Variants in PPP1R21 observed in about 807,000 individuals in gnomAD.
The protein encoded by PPP1R21 is KLRAQ motif containing 1.
A neutral mutation model predicts 112.8 loss-of-function variants in PPP1R21; 85 were observed. That is an observed-to-expected ratio of 0.75 (90% CI 0.63 to 0.90). The LOEUF (loss-of-function observed/expected upper bound fraction) is 0.90, where lower values mean the gene tolerates loss of function less well. Ranked by LOEUF, PPP1R21 falls within the 40% of genes least tolerant of loss-of-function variation. The pLI is 0.00. For missense variants in PPP1R21, 1,199 were observed against 901.5 expected, an observed-to-expected ratio of 1.33 and a Z score of -4.23; for synonymous variants, 381 against 322.3, an observed-to-expected ratio of 1.18 and a Z score of -1.95.
At chr2:48,451,142 A>G in intron 2 of PPP1R21, 66 bp downstream of exon 2, 3 of 1,339,782 alleles carry the variant, frequency 2.2e-6, no homozygotes, top group East Asian at 2.3e-5. Context: ...AAGCAGGTTC[A>G]TTGGGTTTTC....
At chr2:48,492,627 T>G (rs1669622810) in intron 15 of PPP1R21, among the ~76,000 whole-genome samples, 1 of 152,230 alleles carries the variant, frequency 6.6e-6, no homozygotes, top group African/African-American at 2.4e-5. Flanking sequence ...ATATGAGAAG[T>G]AGAATGTTGT....
At position 48,495,663 on chromosome 2, in the gene PPP1R21, G is replaced by C. The variant is rs1669802859; in HGVS notation, c.1600-16G>C. 6.7e-7 allele frequency: 1 copy of C among 1,488,628 alleles called. No individual in the cohort carries two copies. Among genetic ancestry groups the C allele is most frequent in the South Asian group, 1.1e-5 (1 of 88,034 alleles). The allele number at this position is 1,488,628 out of a possible 1,614,324, so 92.2% of individuals were successfully genotyped here. On this transcript the variant is annotated splice_polypyrimidine_tract_variant and intron_variant, in intron 15 of 21. Transcript: ENST00000294952. The stretch of plus-strand genomic sequence containing the variant: ...ACAATATTTTTTCTTTAATTCTTAT[G>C]ATGCTTTTATCATAGCCCCTCTTGG...
chr2:48,505,981 G>C (rs1670355787), intron 18 of PPP1R21, among the ~76,000 whole-genome samples: 1 of 152,208 alleles, frequency 6.6e-6, no homozygotes, highest in African/African-American at 2.4e-5. Flanking sequence ...CCTTGACCAA[G>C]TACAGTGTAC....
chr2:48,460,150 A>C lies in PPP1R21; in HGVS notation c.596A>C (p.Glu199Ala), dbSNP rs758931715. ...EAKECRLRTEECQLQLKTLHE... is the reference protein window; with the variant it reads ...EAKECRLRTEACQLQLKTLHE... ...AAGGAATGTCGACTTCGAACGGAAG[A>C]ATGGTATGTGGAAACTTGAATTCCA... Residue 199 changes from glutamate (E) to alanine (A), a missense_variant, in exon 6 of 22, where the codon GAA becomes GCA. Transcript: ENST00000294952. The C allele has an allele frequency of 1.2e-6, 2 of 1,614,110 alleles. No individual in the cohort carries two copies. The highest frequency in any genetic ancestry group is 3.3e-5 in the Admixed American group (2 of 60,016).
At chr2:48,462,034 T>C (rs1457027780) in intron 7 of PPP1R21, among the ~76,000 whole-genome samples, 1 of 152,252 alleles carries the variant, frequency 6.6e-6, no homozygotes, top group Non-Finnish European at 1.5e-5. Context: ...CACCTGCTTC[T>C]AGCTTCTACA....
chr2:48,507,493 A>G lies in PPP1R21; in HGVS notation c.2085+108A>G. 5 of 1,496,932 alleles carry G rather than the reference A, an allele frequency of 3.3e-6. No individual in the cohort carries two copies. In the South Asian group the frequency reaches 6.8e-5, roughly 20 times the overall value. 92.7% of individuals were successfully genotyped at this position (1,496,932 alleles called of 1,614,324 possible). ...ACTGTAAGAGAGAAGTCAGTGTCCC[A>G]AGTAGCTGGGACTATGGGTGTGTAC... On this transcript the variant is annotated intron_variant, in intron 19 of 21. Coordinates refer to ENST00000294952, the MANE Select transcript of PPP1R21 (RefSeq NM_001135629.3).
At chr2:48,496,265 C>A (rs985695504) in intron 16 of PPP1R21, among the ~76,000 whole-genome samples, 2 of 152,104 alleles carry the variant, frequency 1.3e-5, no homozygotes, top group African/African-American at 4.8e-5. Context: ...TGGTAACTCC[C>A]ATAGTCCTTG....
intron 2 of PPP1R21, among the ~76,000 whole-genome samples, chr2:48,451,768 C>T (rs939099169): frequency 2.0e-5 from 3 of 152,126 alleles, no homozygotes; most frequent in African/African-American, 7.2e-5. Context: ...TTTGCTCTTT[C>T]CCTTTCTTGC....
intron 9 of PPP1R21, 132 bp downstream of exon 9, chr2:48,465,774 ACT>A (rs974383773): frequency 1.5e-6 from 1 of 676,054 alleles, no homozygotes; most frequent in African/African-American, 1.9e-5. Flanking sequence ...CATAGTTTTT[ACT>A]CTCAAAATAA....
chr2:48,503,504 A>G (rs546973772), intron 17 of PPP1R21, among the ~76,000 whole-genome samples: 11 of 152,316 alleles, frequency 7.2e-5, no homozygotes, highest in Non-Finnish European at 1.5e-4. Flanking sequence ...CTCAGGATGT[A>G]TTCTCAGAGT....
intron 13 of PPP1R21, among the ~76,000 whole-genome samples, chr2:48,484,932 C>A (rs946413959): frequency 2.6e-5 from 4 of 152,134 alleles, no homozygotes; most frequent in African/African-American, 9.7e-5. Context: ...GCTTACCAAC[C>A]AAATTGTATT....
At chr2:48,469,057 A>G (rs894313980) in intron 9 of PPP1R21, among the ~76,000 whole-genome samples, 3 of 151,708 alleles carry the variant, frequency 2.0e-5, no homozygotes, top group African/African-American at 4.9e-5. Context: ...AAAATGAGCA[A>G]GAAGCAAAAG....
intron 13 of PPP1R21, among the ~76,000 whole-genome samples, chr2:48,484,341 A>G (rs1669175606): frequency 6.6e-6 from 1 of 152,140 alleles, no homozygotes. Context: ...CTAAGTGAGA[A>G]TTGTTTGATC....
intron 21 of PPP1R21, among the ~76,000 whole-genome samples, chr2:48,512,970 G>T (rs1670707987): frequency 6.6e-6 from 1 of 152,076 alleles, no homozygotes; most frequent in Admixed American, 6.6e-5. Context: ...TCGTGTTTTG[G>T]GTTTTCTCAT....
intron 4 of PPP1R21, among the ~76,000 whole-genome samples, 174 bp downstream of exon 4, chr2:48,458,401 T>G (rs1472459471): frequency 1.3e-5 from 2 of 152,220 alleles, no homozygotes; most frequent in Non-Finnish European, 2.9e-5. Context: ...CACACAGTCT[T>G]AATGTGGATG....
chr2:48,502,712 G>A (rs61283909), intron 17 of PPP1R21, among the ~76,000 whole-genome samples: 35,728 of 129,972 alleles, frequency 0.27, 4,946 homozygotes, highest in Middle Eastern at 0.39. Context: ...ACGGAGTCTC[G>A]CTCTGTGGCC....
At chr2:48,453,387 C>G (rs1667568394) in intron 2 of PPP1R21, among the ~76,000 whole-genome samples, 1 of 152,076 alleles carries the variant, frequency 6.6e-6, no homozygotes, top group South Asian at 2.1e-4. Flanking sequence ...GAGATGACGT[C>G]TCACTATGTT....
chr2:48,508,078 TA>T (rs1189438492), intron 19 of PPP1R21, among the ~76,000 whole-genome samples: 3,261 of 139,462 alleles, frequency 0.023, 31 homozygotes, highest in Middle Eastern at 0.039. Context: ...ACTCTGCCTT[TA>T]AAAAAAAAAA....
intron 9 of PPP1R21, 69 bp downstream of exon 9, chr2:48,465,711 C>G (rs550349769): frequency 8.3e-5 from 117 of 1,415,276 alleles, no homozygotes; most frequent in Non-Finnish European, 5.7e-5. Context: ...GTTTTTAGAC[C>G]TCTTCTGTGC....
Sources: allele counts gnomAD v4.1 joint callset (sites outside exome capture counted in the v4.1 genomes callset), GRCh38; gene constraint gnomAD v4.1.1; transcripts MANE v1.5; gene names NCBI Gene and HGNC (gene_info 2026-07-23, HGNC 2026-07-21).